OC90: variants seen among roughly 807,000 people sequenced by gnomAD.
OC90 encodes the protein otoconin-90.
OC90 carries 46 observed loss-of-function variants against 47.3 expected under a neutral mutation model. That is an observed-to-expected ratio of 0.97 (90% CI 0.77 to 1.24). The LOEUF (loss-of-function observed/expected upper bound fraction) is 1.24, where lower values mean the gene tolerates loss of function less well. OC90 is among the 50% of genes most tolerant of loss of function. The pLI, the probability that OC90 is intolerant of heterozygous loss-of-function variation, is 0.00. For missense variants in OC90, 688 were observed against 583.9 expected (o/e 1.18, Z -1.84); for synonymous variants, 271 against 219.5 (o/e 1.23, Z -2.07).
chr8:132,027,496 A>C (rs1049675644), intron 13 of OC90, among the ~76,000 whole-genome samples: 9 of 152,216 alleles, frequency 5.9e-5, no homozygotes, highest in Non-Finnish European at 1.5e-5. Context: ...CCCAGACGAA[A>C]ATGAAAATGA....
In OC90 at chr8:132,031,878, T is replaced by A. The variant is rs376729166; in HGVS notation, c.1031+3A>T. 4 of 1,613,422 alleles carry A rather than the reference T, an allele frequency of 2.5e-6. No individual in the cohort carries two copies. The African/African-American group carries it at 5.3e-5, about 22-fold the overall frequency. The stretch of plus-strand genomic sequence containing the variant: ...CAGAGCTGTCACCGCTGGCTCTCCA[T>A]ACCTGTCTAGGTCATCCCTTGGCTC... On this transcript the variant is annotated splice_donor_region_variant and intron_variant, in intron 12 of 13. Transcript: ENST00000254627.
Position 132,034,789 on chromosome 8 carries a change from G to T in OC90, c.725C>A (p.Ser242Tyr). 2 of 1,611,520 alleles carry T rather than the reference G, an allele frequency of 1.2e-6. No homozygotes were observed. Among genetic ancestry groups the T allele is most frequent in the Non-Finnish European group, 1.7e-6 (2 of 1,178,078 alleles). The change falls in exon 10 of 14, where the codon TCC (serine) becomes TAC (tyrosine). Residue 242 changes from serine to tyrosine, a missense_variant. Physicochemically the swap from Ser to Tyr is moderately radical, Grantham distance 144. Transcript: ENST00000254627. ...QEGVGAARAT[S>Y]PPGSAEIVAT... The stretch of plus-strand genomic sequence containing the variant: ...GAGCCCAGTAGGCTTACCTGGAGGG[G>T]ACGTAGCCCTAGCAGCTCCCACTCC...
At chr8:132,026,361 A>G (rs1009750830) in intron 13 of OC90, among the ~76,000 whole-genome samples, 1 of 152,228 alleles carries the variant, frequency 6.6e-6, no homozygotes, top group Non-Finnish European at 1.5e-5. Context: ...CATATACCAC[A>G]GAGGCCTTCC....
At chr8:132,048,455 C>A (rs1823166141) in intron 2 of OC90, among the ~76,000 whole-genome samples, 1 of 151,684 alleles carries the variant, frequency 6.6e-6, no homozygotes, top group South Asian at 2.1e-4. Context: ...CTGCACTAAC[C>A]CACCGTGGTC....
At chr8:132,044,094 G>A (rs1823097805) in intron 4 of OC90, among the ~76,000 whole-genome samples, 1 of 152,186 alleles carries the variant, frequency 6.6e-6, no homozygotes, top group Admixed American at 6.5e-5. Flanking sequence ...AGATTCCAAG[G>A]AGAGCTCCTC....
At chr8:132,048,826 G>A (rs12674562) in intron 2 of OC90, among the ~76,000 whole-genome samples, 12,113 of 151,484 alleles carry the variant, frequency 0.08, 934 homozygotes, top group East Asian at 0.24. Context: ...GGCCAACTTC[G>A]TCACAAGGGA....
At chr8:132,028,591 GA>G (rs1461981900) in intron 13 of OC90, among the ~76,000 whole-genome samples, 481 of 29,898 alleles carry the variant, frequency 0.016, 17 homozygotes, top group African/African-American at 0.04. Context: ...AGGAAGGAAG[GA>G]AGGAAGGAGG....
rs1360966890 is a variant in OC90, at chr8:132,031,801, C to G, written c.1031+80G>C. The G allele has an allele frequency of 7.0e-6, 9 of 1,282,866 alleles. No homozygotes were observed. In the East Asian group the frequency reaches 1.9e-4, roughly 27 times the overall value. The allele number at this position is 1,282,866 out of a possible 1,614,324, so 79.5% of individuals were successfully genotyped here. A position where few individuals can be genotyped will look rare whatever the true frequency, so the allele number is the denominator to read the frequency against. ...TGAGGCCCAAGTTTCAGCCTGGTGT[C>G]CAGGAGGGCTGTCACCACCCTCTGG... On this transcript the variant is annotated intron_variant, in intron 12 of 13. Transcript: ENST00000254627.
chr8:132,033,251 A>C lies in OC90; in HGVS notation c.734-87T>G, dbSNP rs970675668. The stretch of plus-strand genomic sequence containing the variant: ...GGACATACGAAAGCCAAATGCAAAC[A>C]GATAGAACAACATAGTGTTAGGAGA... On this transcript the variant is annotated intron_variant, in intron 10 of 13. Transcript: ENST00000254627. The C allele has an allele frequency of 1.4e-5, 18 of 1,323,610 alleles. No homozygotes were observed. In the African/African-American group the frequency reaches 2.3e-4, roughly 17 times the overall value. The allele number at this position is 1,323,610 out of a possible 1,614,324, so 82.0% of individuals were successfully genotyped here. A position where few individuals can be genotyped will look rare whatever the true frequency, so the allele number is the denominator to read the frequency against.
intron 12 of OC90, 97 bp downstream of exon 12, chr8:132,031,784 A>G: frequency 9.3e-7 from 1 of 1,074,386 alleles, no homozygotes; most frequent in Non-Finnish European, 1.4e-6. Flanking sequence ...AGTGAGGCCC[A>G]AGTTTCAGCC....
Position 132,024,548 on chromosome 8 carries a change from C to T in OC90, c.1367G>A (p.Gly456Asp), listed in dbSNP as rs764330212. Residue 456 changes from glycine to aspartate, a missense_variant, in exon 14 of 14, where the codon GGC (glycine) becomes GAC (aspartate). Physicochemically the swap from Gly to Asp is moderately conservative, Grantham distance 94. Coordinates refer to ENST00000254627, the MANE Select transcript of OC90 (RefSeq NM_001080399.3). ...CTTCCGCAGAAACCTCTTGGCTCTG[C>T]CGAGGTCCTCCTGTGGAGGGTCCTC... The part of the protein sequence containing the change: ...SEEDPPQEDL[G>D]RAKRFLRKSL... 2 of 1,608,982 alleles carry T rather than the reference C, an allele frequency of 1.2e-6. No homozygotes were observed. Among genetic ancestry groups the T allele is most frequent in the Admixed American group, 1.7e-5 (1 of 59,740 alleles).
At chr8:132,036,228 C>A in intron 9 of OC90, 1 of 621,850 alleles carries the variant, frequency 1.6e-6, no homozygotes, top group Non-Finnish European at 2.9e-6. Context: ...CAGTTTCCTA[C>A]ATATTCTGTA....
chr8:132,026,074 CA>C (rs1165065882), intron 13 of OC90, among the ~76,000 whole-genome samples: 4 of 151,762 alleles, frequency 2.6e-5, no homozygotes, highest in Admixed American at 6.6e-5. Context: ...CATACTTATA[CA>C]AAAAAAAGTT....
rs61753621 is a variant in OC90 at position 132,024,595 on chromosome 8, G to A, written c.1320C>T (p.Ser440=). The change falls in exon 14 of 14, where the codon TCC becomes TCT. Residue 440 remains serine (S), a synonymous_variant. Transcript: ENST00000254627. ...CCTCCTCGCTGTCCTCCTCAGAGCT[G>A]GAGCCCAGGGTGGGGGCTGCGGGCA... ...HPVPAAPTLG[S]SSEEDSEEDP... is the part of the protein sequence containing the mutation. 0.024 allele frequency: 38,899 copies of A among 1,613,546 alleles called. 1,062 individuals are homozygous for A. The highest frequency in any genetic ancestry group is 0.11 in the African/African-American group (8,242 of 75,026).
chr8:132,028,558 GAAAGA>G (rs1563727340), intron 13 of OC90, among the ~76,000 whole-genome samples: 44 of 17,998 alleles, frequency 2.4e-3, no homozygotes, highest in African/African-American at 6.9e-3. Context: ...AAGAAAGAAA[GAAAGA>G]AAGGAAGGAA....
At chr8:132,037,352 G>T in intron 9 of OC90, 86 bp downstream of exon 9, 3 of 1,110,870 alleles carry the variant, frequency 2.7e-6, no homozygotes, top group Non-Finnish European at 1.3e-6. Flanking sequence ...GTGAGTTCTT[G>T]TGAGATCTGG....
chr8:132,024,577 G>A lies in OC90; in HGVS notation c.1338C>T (p.Ser446=), dbSNP rs370419219. 284 of 1,613,086 alleles carry A rather than the reference G, an allele frequency of 1.8e-4. No individual in the cohort carries two copies. Among genetic ancestry groups the A allele is most frequent in the African/African-American group, 3.2e-4 (24 of 74,904 alleles). ...GGTCCTCCTGTGGAGGGTCCTCCTC[G>A]CTGTCCTCCTCAGAGCTGGAGCCCA... ...PTLGSSSEED[S]EEDPPQEDLG... The change falls in exon 14 of 14, where the codon AGC becomes AGT. Residue 446 remains serine, a synonymous_variant. Coordinates refer to ENST00000254627, the MANE Select transcript of OC90 (RefSeq NM_001080399.3).
chr8:132,058,141 GA>G (rs1249933441), intron 1 of OC90, among the ~76,000 whole-genome samples: 1 of 152,218 alleles, frequency 6.6e-6, no homozygotes, highest in Non-Finnish European at 1.5e-5. Context: ...GTGCCAGCTA[GA>G]AGGTGCCAGT....
Position 132,033,112 on chromosome 8 carries a change from G to T in OC90, c.786C>A (p.Val262=), listed in dbSNP as rs193137099. 2.8e-5 allele frequency: 45 copies of T among 1,608,796 alleles called. No homozygotes were observed. Among genetic ancestry groups the T allele is most frequent in the Non-Finnish European group, 3.7e-5 (43 of 1,177,554 alleles). The change falls in exon 11 of 14, where the codon GTC becomes GTA. Residue 262 remains valine (V), a synonymous_variant. Coordinates refer to ENST00000254627, the MANE Select transcript of OC90 (RefSeq NM_001080399.3). ...GCCCCAGAGATTTAATGCCAGCAGG[G>T]ACAAGGGTTACAATTTTAGCTGTAA... ...TRVTAKIVTL[V]PAGIKSLGLA... is the part of the protein sequence containing the mutation.
Sources: allele counts gnomAD v4.1 joint callset (sites outside exome capture counted in the v4.1 genomes callset), GRCh38; gene constraint gnomAD v4.1.1; transcripts MANE v1.5; gene names NCBI Gene and HGNC (gene_info 2026-07-23, HGNC 2026-07-21).